The following GCKR variants were observed in gnomAD, a reference collection of about 807,000 sequenced individuals.
The protein encoded by GCKR is glucokinase regulatory protein.
In GCKR, 73 loss-of-function variants were observed where a neutral mutation model predicts 82.9. The observed-to-expected ratio is 0.88, with a 90% CI of 0.73 to 1.07. The LOEUF (loss-of-function observed/expected upper bound fraction) is 1.07, where lower values mean the gene tolerates loss of function less well. Ranked by LOEUF, GCKR falls within the 50% of genes least tolerant of loss-of-function variation. The pLI is 0.00. For synonymous variants in GCKR, 294 were observed against 291.8 expected (o/e 1.01, Z -0.08); for missense variants, 784 against 782.1 (o/e 1.00, Z -0.03).
intron 16 of GCKR, among the ~76,000 whole-genome samples, chr2:27,517,178 T>C (rs535172796): frequency 6.6e-6 from 1 of 152,140 alleles, no homozygotes; most frequent in Non-Finnish European, 1.5e-5. Flanking sequence ...CATGCCTGGC[T>C]AATTTTTGTA....
chr2:27,503,484 C>A (rs1350029172), intron 8 of GCKR, 30 bp from the exon 9 acceptor site: 4 of 1,162,670 alleles, frequency 3.4e-6, no homozygotes, highest in Middle Eastern at 1.9e-4. Context: ...CATAGACAAT[C>A]TCCCCACCTT....
chr2:27,508,005 G>A lies in GCKR; in HGVS notation c.1269G>A (p.Val423=). The A allele has an allele frequency of 6.2e-7, 1 of 1,613,550 alleles. No homozygotes were observed. Among genetic ancestry groups the A allele is most frequent in the African/African-American group, 1.3e-5 (1 of 74,992 alleles). Residue 423 remains valine (V), a synonymous_variant, in exon 15 of 19, where the codon GTG becomes GTA. Coordinates refer to ENST00000264717, the MANE Select transcript of GCKR (RefSeq NM_001486.4). ...DDNLTEVQTI[V]EQVKEKTNHI... The stretch of plus-strand genomic sequence containing the variant: ...ACCTCACGGAGGTGCAGACTATAGT[G>A]GAGCAGGTGAAAGAGAAGACCAACC...
intron 8 of GCKR, 47 bp downstream of exon 8, chr2:27,501,276 G>A (rs1669569710): frequency 8.2e-7 from 1 of 1,215,160 alleles, no homozygotes; most frequent in African/African-American, 1.5e-5. Flanking sequence ...GGCTGGAGGG[G>A]AACATGTCAA....
At chr2:27,505,588 C>T in intron 9 of GCKR, 130 bp from the exon 10 acceptor site, 2 of 720,240 alleles carry the variant, frequency 2.8e-6, no homozygotes, top group East Asian at 2.7e-5. Flanking sequence ...CAAGCCCACC[C>T]CAGCACCCTT....
At position 27,523,471 on chromosome 2, in the gene GCKR, A is replaced by G; in HGVS notation, c.*32A>G. On this transcript the variant is annotated 3_prime_UTR_variant, in exon 19 of 19. Coordinates refer to ENST00000264717, the MANE Select transcript of GCKR (RefSeq NM_001486.4). ...GTTTCTGGGTGGGTGAAAGGGGCCC[A>G]ACCCTGCCCACTTCAGCCCAGCCCG... 6.3e-7 allele frequency: 1 copy of G among 1,596,348 alleles called. No individual in the cohort carries two copies. The highest frequency in any genetic ancestry group is 8.5e-7 in the Non-Finnish European group (1 of 1,176,068).
At position 27,518,800 on chromosome 2, in the gene GCKR, G is replaced by A. The variant is rs368920049; in HGVS notation, c.1435G>A (p.Glu479Lys). 2.5e-6 allele frequency: 4 copies of A among 1,613,600 alleles called. No homozygotes were observed. In the African/African-American group the frequency reaches 5.3e-5, roughly 22 times the overall value. Reference protein sequence around the residue: ...EGNFIQKFQRELSTKWVLNTV... With the variant: ...EGNFIQKFQRKLSTKWVLNTV... ...CTGCCCTTTTCAGAAGTTCCAGCGT[G>A]AGCTAAGCACCAAATGGGTGCTGAA... Residue 479 changes from glutamate (E) to lysine (K), a missense_variant, in exon 17 of 19, where the codon GAG becomes AAG. Transcript: ENST00000264717.
At chr2:27,507,862 G>A in intron 14 of GCKR, 85 bp downstream of exon 14, 3 of 1,138,518 alleles carry the variant, frequency 2.6e-6, no homozygotes, top group Middle Eastern at 2.0e-4. Flanking sequence ...GGGTCTTAGG[G>A]TACCTGCTCA....
chr2:27,516,188 C>T (rs553432365), intron 16 of GCKR, among the ~76,000 whole-genome samples: 1 of 151,534 alleles, frequency 6.6e-6, no homozygotes, highest in African/African-American at 2.4e-5. Context: ...TATTCTGTTC[C>T]ACTGGTTTGT....
chr2:27,514,160 T>C (rs1412779031), intron 16 of GCKR, among the ~76,000 whole-genome samples: 2 of 152,070 alleles, frequency 1.3e-5, no homozygotes, highest in African/African-American at 2.4e-5. Flanking sequence ...GTAGAAAGAA[T>C]AAGGGTGTGT....
Position 27,523,344 on chromosome 2 carries a change from CCT to C in GCKR, c.1784_1785del (p.Pro595LeufsTer4). ...GGCTCAGGCACACCTGGCTGCAGCT[CCT>C]TCTGTCTGTGAGGCTGTCAGGAGTG... is the stretch of plus-strand genomic sequence containing the variant. ...TEAQAHLAAAPSVCEAVRSAL... is the reference protein window; with the variant it reads ...TEAQAHLAAAXSVCEAVRSAL... On this transcript the variant is annotated frameshift_variant, in exon 19 of 19. Transcript: ENST00000264717. LOFTEE classifies it high-confidence loss of function. The C allele has an allele frequency of 1.2e-6, 2 of 1,612,994 alleles. No individual in the cohort carries two copies. Among genetic ancestry groups the C allele is most frequent in the Non-Finnish European group, 1.7e-6 (2 of 1,179,982 alleles).
Position 27,507,694 on chromosome 2 carries a change from CCTT to C in GCKR, c.1160_1162del (p.Phe387del). 1 of 1,600,590 alleles carries C rather than the reference CCTT, an allele frequency of 6.2e-7. No individual in the cohort carries two copies. The highest frequency in any genetic ancestry group is 1.1e-5 in the South Asian group (1 of 90,798). On this transcript the variant is annotated inframe_deletion, in exon 14 of 19. Coordinates refer to ENST00000264717, the MANE Select transcript of GCKR (RefSeq NM_001486.4). ...CTTCTGCCCCAGGGTCCCCAGTTCA[CCTT>C]CTCCCAGGAGGACTTCCTGACTTCC... is the stretch of plus-strand genomic sequence containing the variant.
At chr2:27,523,105 G>C (rs1670190560) in intron 18 of GCKR, among the ~76,000 whole-genome samples, 164 bp from the exon 19 acceptor site, 1 of 152,110 alleles carries the variant, frequency 6.6e-6, no homozygotes, top group African/African-American at 2.4e-5. Flanking sequence ...CGCCATATTG[G>C]CCAGGCTTGT....
chr2:27,507,632 C>A, intron 13 of GCKR, 49 bp from the exon 14 acceptor site: 1 of 996,538 alleles, frequency 1.0e-6, no homozygotes, highest in Non-Finnish European at 1.6e-6. Context: ...CAAGTCTGTG[C>A]TTTAGAGTGT....
chr2:27,499,108 G>T (rs769977399), intron 5 of GCKR, 34 bp from the exon 6 acceptor site: 1 of 1,348,908 alleles, frequency 7.4e-7, no homozygotes, highest in South Asian at 1.2e-5. Flanking sequence ...CTGCTTTCCA[G>T]CCACTGCCAC....
chr2:27,514,505 G>A (rs756835212), intron 16 of GCKR, among the ~76,000 whole-genome samples: 1 of 152,106 alleles, frequency 6.6e-6, no homozygotes, highest in South Asian at 2.1e-4. Flanking sequence ...CTATACAAAA[G>A]GCAGTCTACT....
intron 17 of GCKR, among the ~76,000 whole-genome samples, chr2:27,519,510 C>T (rs967584933): frequency 5.3e-5 from 8 of 152,076 alleles, no homozygotes; most frequent in African/African-American, 1.9e-4. Flanking sequence ...CCATGTTGGC[C>T]AGGCTGGTCT....
intron 18 of GCKR, 56 bp from the exon 19 acceptor site, chr2:27,523,213 T>C: frequency 1.3e-6 from 2 of 1,513,038 alleles, no homozygotes; most frequent in African/African-American, 1.4e-5. Context: ...TCCGGGGTTC[T>C]TTCTCTGATG....
intron 16 of GCKR, among the ~76,000 whole-genome samples, chr2:27,517,589 G>A (rs1056992985): frequency 3.3e-5 from 5 of 152,120 alleles, no homozygotes; most frequent in Non-Finnish European, 7.4e-5. Flanking sequence ...TGGGGATTAT[G>A]GGGATTACAA....
At chr2:27,518,512 A>C (rs1240558343) in intron 16 of GCKR, among the ~76,000 whole-genome samples, 1 of 152,326 alleles carries the variant, frequency 6.6e-6, no homozygotes. Context: ...ACAATTCAGC[A>C]GGATCAAAAT....
Sources: allele counts gnomAD v4.1 joint callset (sites outside exome capture counted in the v4.1 genomes callset), GRCh38; gene constraint gnomAD v4.1.1; transcripts MANE v1.5; gene names NCBI Gene and HGNC (gene_info 2026-07-23, HGNC 2026-07-21).